The following SPHKAP variants were observed in gnomAD, a reference collection of about 807,000 sequenced individuals.
SPHKAP encodes SPHK1 interactor, AKAP domain containing.
In SPHKAP, 67 loss-of-function variants were observed where a neutral mutation model predicts 137.5. That is an observed-to-expected ratio of 0.49 (90% confidence interval 0.40 to 0.60). The LOEUF (loss-of-function observed/expected upper bound fraction) is 0.60, where lower values mean the gene tolerates loss of function less well. SPHKAP is among the 20% of genes least tolerant of loss of function. SPHKAP has a pLI of 0.00. For synonymous variants in SPHKAP, 813 were observed against 785.3 expected, an observed-to-expected ratio of 1.04 and a Z score of -0.59; for missense variants, 2,097 against 2,069.3, an observed-to-expected ratio of 1.01 and a Z score of -0.26.
chr2:228,168,961 C>A (rs1700500706), intron 1 of SPHKAP, among the ~76,000 whole-genome samples: 3 of 152,152 alleles, frequency 2.0e-5, no homozygotes, highest in South Asian at 4.1e-4. Context: ...TCTGAGTGTT[C>A]TGGACATACA....
chr2:228,012,027 G>T (rs1694392876), intron 7 of SPHKAP, among the ~76,000 whole-genome samples: 1 of 151,770 alleles, frequency 6.6e-6, no homozygotes, highest in African/African-American at 2.4e-5. Flanking sequence ...AATTGGGCAG[G>T]CATGGTGGTG....
intron 3 of SPHKAP, among the ~76,000 whole-genome samples, chr2:228,030,604 T>G (rs554299773): frequency 3.4e-4 from 51 of 149,426 alleles, no homozygotes; most frequent in Non-Finnish European, 6.8e-4. Flanking sequence ...GAATATTTAC[T>G]TCTTTAGAAG....
intron 3 of SPHKAP, among the ~76,000 whole-genome samples, chr2:228,030,725 TA>T (rs1695276773): frequency 8.1e-6 from 1 of 123,824 alleles, no homozygotes; most frequent in Non-Finnish European, 1.7e-5. Context: ...ACCTCCATAA[TA>T]TTTTTTTTTT....
At chr2:228,133,072 C>T (rs79239975) in intron 1 of SPHKAP, among the ~76,000 whole-genome samples, 51,776 of 151,224 alleles carry the variant, frequency 0.34, 9,061 homozygotes, top group East Asian at 0.5. Flanking sequence ...TTTCGGAGGC[C>T]GAGGCCGGTG....
chr2:228,087,733 T>A (rs1044276094), intron 3 of SPHKAP, among the ~76,000 whole-genome samples: 1 of 152,020 alleles, frequency 6.6e-6, no homozygotes. Context: ...AAAGAGAGAT[T>A]GACAGGGATA....
chr2:228,006,248 C>T (rs1476082486), intron 7 of SPHKAP, among the ~76,000 whole-genome samples: 1 of 152,102 alleles, frequency 6.6e-6, no homozygotes, highest in African/African-American at 2.4e-5. Context: ...TCTCTTTATT[C>T]TTTTTTCTCT....
chr2:228,004,665 G>A (rs1291896862), intron 7 of SPHKAP, among the ~76,000 whole-genome samples: 2 of 151,784 alleles, frequency 1.3e-5, no homozygotes, highest in Non-Finnish European at 2.9e-5. Context: ...TCAATTTTAG[G>A]TCTTTCGTGC....
At chr2:228,026,827 G>GC (rs1344076431) in intron 4 of SPHKAP, among the ~76,000 whole-genome samples, 2 of 152,184 alleles carry the variant, frequency 1.3e-5, no homozygotes, top group Non-Finnish European at 2.9e-5. Flanking sequence ...CCGAGTAATT[G>GC]CAGGTCTACT....
chr2:228,171,093 T>C (rs781209903), intron 1 of SPHKAP, among the ~76,000 whole-genome samples: 110 of 152,244 alleles, frequency 7.2e-4, no homozygotes, highest in Admixed American at 1.8e-3. Context: ...TATTTTTTCT[T>C]ATGGAAAAGT....
At chr2:228,024,203 G>T (rs1054472083) in intron 5 of SPHKAP, among the ~76,000 whole-genome samples, 2 of 152,108 alleles carry the variant, frequency 1.3e-5, no homozygotes, top group Non-Finnish European at 2.9e-5. Context: ...ATTAATCAGG[G>T]TCTAGTAAGT....
intron 7 of SPHKAP, among the ~76,000 whole-genome samples, chr2:227,996,875 T>A (rs987331692): frequency 2.6e-5 from 4 of 152,240 alleles, no homozygotes; most frequent in African/African-American, 9.6e-5. Flanking sequence ...TACACCAACA[T>A]ACTTTAATTT....
At chr2:228,106,043 T>C (rs948599724) in intron 3 of SPHKAP, among the ~76,000 whole-genome samples, 1 of 152,190 alleles carries the variant, frequency 6.6e-6, no homozygotes, top group Non-Finnish European at 1.5e-5. Context: ...TGCTCTTCAC[T>C]AAGACTTCTT....
intron 3 of SPHKAP, among the ~76,000 whole-genome samples, chr2:228,101,150 A>G (rs1209064027): frequency 6.6e-6 from 1 of 152,122 alleles, no homozygotes; most frequent in African/African-American, 2.4e-5. Context: ...CATTTGAATG[A>G]CTAAAGGGCA....
chr2:227,980,111 AAAAT>A lies in SPHKAP; in HGVS notation c.*1602_*1605del, dbSNP rs1692944780. On this transcript the variant is annotated 3_prime_UTR_variant, in exon 12 of 12. Transcript: ENST00000392056. ...CACACAGTATTCTGGGATTGTTTAA[AAAAT>A]AAGTGTATTCTATTCCATTTGATAG... The A allele has an allele frequency of 6.5e-6, 1 of 152,688 alleles. No individual in the cohort carries two copies. Among genetic ancestry groups the A allele is most frequent in the African/African-American group, 2.4e-5 (1 of 41,472 alleles). 9.5% of individuals were successfully genotyped at this position (152,688 alleles called of 1,614,324 possible).
chr2:228,047,476 A>C (rs944257810), intron 3 of SPHKAP, among the ~76,000 whole-genome samples: 46 of 152,120 alleles, frequency 3.0e-4, no homozygotes, highest in East Asian at 7.7e-4. Context: ...CAAAAAAAAA[A>C]AAAAAACAAA....
intron 8 of SPHKAP, among the ~76,000 whole-genome samples, chr2:227,994,824 A>G (rs577541817): frequency 6.6e-6 from 1 of 152,346 alleles, no homozygotes; most frequent in East Asian, 1.9e-4. Flanking sequence ...AAACTCCCAG[A>G]AATAAAACTT....
At chr2:228,141,965 A>G (rs66515229) in intron 1 of SPHKAP, among the ~76,000 whole-genome samples, 49,615 of 152,010 alleles carry the variant, frequency 0.33, 8,568 homozygotes, top group East Asian at 0.51. Flanking sequence ...TTGATTGGCA[A>G]ATCCTTCCCT....
intron 11 of SPHKAP, among the ~76,000 whole-genome samples, chr2:227,984,357 C>T (rs1265618342): frequency 6.6e-6 from 1 of 151,288 alleles, no homozygotes; most frequent in African/African-American, 2.4e-5. Flanking sequence ...GTATTCATTG[C>T]CTGGGACCTC....
chr2:228,000,632 T>C (rs1693820917), intron 7 of SPHKAP, among the ~76,000 whole-genome samples: 2 of 149,658 alleles, frequency 1.3e-5, no homozygotes, highest in East Asian at 3.9e-4. Context: ...ATAATAATAA[T>C]AAAAATAAAA....
Sources: gnomAD v4.1 joint callset for allele counts (sites outside exome capture counted in the v4.1 genomes callset) on GRCh38, gnomAD v4.1.1 for gene constraint, MANE v1.5 for transcripts, NCBI Gene and HGNC (gene_info 2026-07-23, HGNC 2026-07-21) for gene names.